Variants in SLFN12L observed in about 807,000 individuals in gnomAD.
SLFN12L encodes the protein schlafen family member 12 like.
In SLFN12L, 34 loss-of-function variants were observed where a neutral mutation model predicts 34.8. That is an observed-to-expected ratio of 0.98 (90% CI 0.74 to 1.30). The LOEUF (loss-of-function observed/expected upper bound fraction) is 1.30, where lower values mean the gene tolerates loss of function less well. Ranked by LOEUF, SLFN12L falls within the 50% of genes most tolerant of loss-of-function variation. SLFN12L has a pLI of 0.00. For missense variants in SLFN12L, 703 were observed against 696.2 expected (o/e 1.01, Z -0.11); for synonymous variants, 259 against 247.5 (o/e 1.05, Z -0.44).
At chr17:35,502,388 C>A (rs1035925789) in intron 2 of SLFN12L, among the ~76,000 whole-genome samples, 45 of 126,986 alleles carry the variant, frequency 3.5e-4, no homozygotes, top group African/African-American at 1.3e-3. Flanking sequence ...ATTGTGAGCA[C>A]ACCTCACCAG....
chr17:35,503,295 G>C (rs1915363472), intron 2 of SLFN12L, among the ~76,000 whole-genome samples: 1 of 152,156 alleles, frequency 6.6e-6, no homozygotes, highest in Non-Finnish European at 1.5e-5. Flanking sequence ...CAGTTTTTCT[G>C]AGAACTGGAC....
chr17:35,524,105 T>C (rs951000665), intron 1 of SLFN12L, among the ~76,000 whole-genome samples: 3 of 152,246 alleles, frequency 2.0e-5, no homozygotes, highest in African/African-American at 7.2e-5. Context: ...CATTGTTGCT[T>C]GTGCTTTCTC....
chr17:35,473,157 G>A lies in SLFN12L; in HGVS notation c.*1766C>T, dbSNP rs1182979444. On this transcript the variant is annotated 3_prime_UTR_variant, in exon 5 of 5. Transcript: ENST00000628453. Reference sequence around the variant, plus strand: ...ATACCTTTATTTCTTTCTCTTGCCTGATTGCCCTGGCCGGAACTTCCAATA... The same window carrying A: ...ATACCTTTATTTCTTTCTCTTGCCTAATTGCCCTGGCCGGAACTTCCAATA... Among the ~76,000 whole-genome samples, 1 of 152,168 alleles carries A rather than the reference G, an allele frequency of 6.6e-6. No homozygotes were observed. The highest frequency in any genetic ancestry group is 1.5e-5 in the Non-Finnish European group (1 of 68,038).
chr17:35,534,203 A>T (rs760196315), intron 1 of SLFN12L, among the ~76,000 whole-genome samples: 2 of 151,758 alleles, frequency 1.3e-5, no homozygotes, highest in Non-Finnish European at 2.9e-5. Context: ...TCTACTAAAA[A>T]TACAAAAAAT....
intron 4 of SLFN12L, among the ~76,000 whole-genome samples, chr17:35,476,920 G>GA (rs1914057712): frequency 6.6e-6 from 1 of 152,080 alleles, no homozygotes; most frequent in Non-Finnish European, 1.5e-5. Flanking sequence ...GAAAATAAGA[G>GA]AAAAACTGGA....
intron 2 of SLFN12L, among the ~76,000 whole-genome samples, chr17:35,519,159 A>G (rs951605695): frequency 6.6e-6 from 1 of 152,164 alleles, no homozygotes; most frequent in African/African-American, 2.4e-5. Flanking sequence ...GGACACACAA[A>G]GGGGAACATC....
chr17:35,490,198 C>A, intron 2 of SLFN12L: 2 of 1,595,500 alleles, frequency 1.3e-6, no homozygotes, highest in South Asian at 1.1e-5. Context: ...TGGGACGAGG[C>A]GGCAGTGGCC....
At chr17:35,510,291 G>A (rs1915596837) in intron 2 of SLFN12L, 1 of 152,166 alleles carries the variant, frequency 6.6e-6, no homozygotes, top group South Asian at 2.1e-4. Flanking sequence ...GTGCACACAG[G>A]CACTTGTACA....
chr17:35,503,678 A>G (rs1203403477), intron 2 of SLFN12L, among the ~76,000 whole-genome samples: 1 of 152,214 alleles, frequency 6.6e-6, no homozygotes, highest in Non-Finnish European at 1.5e-5. Flanking sequence ...CAATTTCTTT[A>G]AAAAATAATT....
In SLFN12L at chr17:35,474,160, C is replaced by G. The variant is rs1913855315; in HGVS notation, c.*763G>C. 1.3e-5 allele frequency: 2 copies of G among 152,208 alleles called. No individual in the cohort carries two copies. Among genetic ancestry groups the G allele is most frequent in the African/African-American group, 4.8e-5 (2 of 41,444 alleles). The allele number at this position is 152,208 out of a possible 1,614,324, so 9.4% of individuals were successfully genotyped here. ...TCTTCAACTCCTGACCTCAAGTGAT[C>G]CATCCAACTCGGCAAGTTCTCCATT... is the stretch of plus-strand genomic sequence containing the variant. On this transcript the variant is annotated 3_prime_UTR_variant, in exon 5 of 5. Transcript: ENST00000628453.
chr17:35,480,211 G>C lies in SLFN12L; in HGVS notation c.87-16C>G. On this transcript the variant is annotated splice_polypyrimidine_tract_variant and intron_variant, in intron 2 of 4. Coordinates refer to ENST00000628453, the MANE Select transcript of SLFN12L (RefSeq NM_001363830.2). ...AAATTCTTTTCTGTAAAATAGAGCC[G>C]TTAGAATAGGAGTTAAGCCTGAGAG... 2.6e-6 allele frequency: 4 copies of C among 1,531,786 alleles called. No homozygotes were observed. The highest frequency in any genetic ancestry group is 3.5e-6 in the Non-Finnish European group (4 of 1,139,970). The allele number at this position is 1,531,786 out of a possible 1,614,324, so 94.9% of individuals were successfully genotyped here.
intron 2 of SLFN12L, among the ~76,000 whole-genome samples, chr17:35,513,841 G>A (rs1915730560): frequency 6.6e-6 from 1 of 152,212 alleles, no homozygotes; most frequent in Non-Finnish European, 1.5e-5. Flanking sequence ...TTACAGAGTA[G>A]TGACAGAATC....
rs955597866 is a variant in SLFN12L at position 35,465,612 on chromosome 17, A to G, written c.*9311T>C. Reference sequence around the variant, plus strand: ...CATTTATATAACATAAAAGGGATAAAGGAGATAAGTATTCCCTGCTGCTTG... The same window carrying G: ...CATTTATATAACATAAAAGGGATAAGGGAGATAAGTATTCCCTGCTGCTTG... On this transcript the variant is annotated 3_prime_UTR_variant, in exon 5 of 5. Transcript: ENST00000628453. Among the ~76,000 whole-genome samples the G allele has an allele frequency of 6.6e-6, 1 of 151,798 alleles. No individual in the cohort carries two copies. Among genetic ancestry groups the G allele is most frequent in the Non-Finnish European group, 1.5e-5 (1 of 67,984 alleles).
At chr17:35,511,000 T>C (rs1466176623) in intron 2 of SLFN12L, among the ~76,000 whole-genome samples, 4 of 152,194 alleles carry the variant, frequency 2.6e-5, no homozygotes, top group African/African-American at 7.2e-5. Context: ...ATGGCGTATA[T>C]TAGAAAGATG....
chr17:35,469,299 T>A lies in SLFN12L; in HGVS notation c.*5624A>T, dbSNP rs1252518948. Among the ~76,000 whole-genome samples the A allele has an allele frequency of 7.3e-6, 1 of 137,474 alleles. No homozygotes were observed. Among genetic ancestry groups the A allele is most frequent in the Non-Finnish European group, 1.5e-5 (1 of 65,806 alleles). The allele number at this position is 137,474 out of a possible 152,430, so 90.2% of individuals were successfully genotyped here. The stretch of plus-strand genomic sequence containing the variant: ...ACCTGTTTTATATAAAATATATATA[T>A]ATAAAATATATATATATTATATATA... On this transcript the variant is annotated 3_prime_UTR_variant, in exon 5 of 5. Coordinates refer to ENST00000628453, the MANE Select transcript of SLFN12L (RefSeq NM_001363830.2).
At chr17:35,501,993 AAGAG>A (rs199824573) in intron 2 of SLFN12L, among the ~76,000 whole-genome samples, 3 of 151,762 alleles carry the variant, frequency 2.0e-5, no homozygotes, top group South Asian at 4.2e-4. Flanking sequence ...GGGAGTCAAG[AAGAG>A]AGAGAGAGAA....
chr17:35,464,898 A>G lies in SLFN12L; in HGVS notation c.*10025T>C, dbSNP rs1913697522. 6.6e-6 allele frequency among the ~76,000 whole-genome samples: 1 copy of G among 152,074 alleles called. No individual in the cohort carries two copies. The highest frequency in any genetic ancestry group is 6.5e-5 in the Admixed American group (1 of 15,268). On this transcript the variant is annotated 3_prime_UTR_variant, in exon 5 of 5. Transcript: ENST00000628453. The stretch of plus-strand genomic sequence containing the variant: ...TGTTTTTTGCTTTTTTTAGAGAGAG[A>G]TAAAGTCTTGCTCTGTCACCCAGGC...
chr17:35,479,201 G>C lies in SLFN12L; in HGVS notation c.1081C>G (p.Pro361Ala). ...TTATCTTTCACGTGCCAGGAATCAG[G>C]CTTTTTAGCAAACACTGCACAGCAG... ...RFCCAVFAKK[P>A]DSWHVKDNRV... Residue 361 changes from proline to alanine, a missense_variant, in exon 3 of 5, where the codon CCT becomes GCT. Pro to Ala is a conservative substitution (Grantham distance 27). Coordinates refer to ENST00000628453, the MANE Select transcript of SLFN12L (RefSeq NM_001363830.2). The C allele has an allele frequency of 6.3e-7, 1 of 1,582,760 alleles. No individual in the cohort carries two copies. Among genetic ancestry groups the C allele is most frequent in the African/African-American group, 1.3e-5 (1 of 74,160 alleles).
intron 2 of SLFN12L, 78 bp from the exon 3 acceptor site, chr17:35,480,273 A>C (rs1196284347): frequency 7.0e-6 from 8 of 1,143,304 alleles, no homozygotes; most frequent in African/African-American, 6.3e-5. Context: ...ACGTAGAAAA[A>C]TCCTTTACTG....
Sources: allele counts gnomAD v4.1 joint callset (sites outside exome capture counted in the v4.1 genomes callset), GRCh38; gene constraint gnomAD v4.1.1; transcripts MANE v1.5; gene names NCBI Gene and HGNC (gene_info 2026-07-23, HGNC 2026-07-21).